The following UBASH3A variants were observed in gnomAD, a reference collection of about 807,000 sequenced individuals.
UBASH3A encodes the protein ubiquitin-associated and SH3 domain-containing protein A.
UBASH3A carries 63 observed loss-of-function variants against 73.5 expected under a neutral mutation model. The ratio of observed to expected loss-of-function variants is 0.86; its 90% CI spans 0.70 to 1.06. The LOEUF is 1.06. UBASH3A is among the 50% of genes least tolerant of loss of function. UBASH3A has a pLI of 0.00. For synonymous variants in UBASH3A, 363 were observed against 351.1 expected, an observed-to-expected ratio of 1.03 and a Z score of -0.38; for missense variants, 860 against 859.0, an observed-to-expected ratio of 1.00 and a Z score of -0.02.
chr21:42,409,419 C>T lies in UBASH3A; in HGVS notation c.168-3C>T. ...GGTGATGCCGGCTTGCTCTCTGTTG[C>T]AGGCTGCATGATCATTGCAATGACC... On this transcript the variant is annotated splice_region_variant and splice_polypyrimidine_tract_variant and intron_variant, in intron 2 of 14. Coordinates refer to ENST00000319294, the MANE Select transcript of UBASH3A (RefSeq NM_018961.4). 1 of 1,566,352 alleles carries T rather than the reference C, an allele frequency of 6.4e-7. No homozygotes were observed. Among genetic ancestry groups the T allele is most frequent in the Non-Finnish European group, 8.6e-7 (1 of 1,157,430 alleles).
chr21:42,426,627 C>G (rs1391008882), intron 7 of UBASH3A, 70 bp from the exon 8 acceptor site: 2 of 1,575,910 alleles, frequency 1.3e-6, no homozygotes, highest in African/African-American at 1.4e-5. Context: ...CATACATGAC[C>G]AGATGCTGGG....
In UBASH3A at chr21:42,444,650, G is replaced by A. The variant is rs375982291; in HGVS notation, c.1848+7G>A. The A allele has an allele frequency of 2.2e-5, 36 of 1,601,816 alleles. No homozygotes were observed. The highest frequency in any genetic ancestry group is 1.6e-4 in the Middle Eastern group (1 of 6,076). The stretch of plus-strand genomic sequence containing the variant: ...TGCCCAACTCGTGAGAAAGGTACGC[G>A]CCCACTCTTGGCTCTTTGGGCCACA... On this transcript the variant is annotated splice_region_variant and intron_variant, in intron 14 of 14. Transcript: ENST00000319294.
chr21:42,406,114 G>A (rs2052969066), intron 1 of UBASH3A, among the ~76,000 whole-genome samples, 194 bp from the exon 2 acceptor site: 1 of 151,956 alleles, frequency 6.6e-6, no homozygotes, highest in South Asian at 2.1e-4. Context: ...GGTGTGAGCT[G>A]GTCAGCATTG....
chr21:42,437,604 T>A, intron 11 of UBASH3A, 24 bp downstream of exon 11: 1 of 1,600,810 alleles, frequency 6.2e-7, no homozygotes, highest in Non-Finnish European at 8.6e-7. Flanking sequence ...TCGGTGAGCC[T>A]CTCCTACTGC....
chr21:42,409,668 A>G (rs2053051670), intron 3 of UBASH3A, 60 bp downstream of exon 3: 1 of 1,493,948 alleles, frequency 6.7e-7, no homozygotes, highest in Non-Finnish European at 9.1e-7. Context: ...TTCTGTGCTA[A>G]CTAGGCCATG....
At position 42,447,226 on chromosome 21, in the gene UBASH3A, T is replaced by A; in HGVS notation, c.*32T>A. On this transcript the variant is annotated 3_prime_UTR_variant, in exon 15 of 15. Coordinates refer to ENST00000319294, the MANE Select transcript of UBASH3A (RefSeq NM_018961.4). Reference sequence around the variant, plus strand: ...CGGTGATGTTGTCATAACCTCAGAGTGGAGAGGCAGAAACCATGTGCAGAG... The same window carrying A: ...CGGTGATGTTGTCATAACCTCAGAGAGGAGAGGCAGAAACCATGTGCAGAG... The A allele has an allele frequency of 4.4e-6, 7 of 1,606,502 alleles. No individual in the cohort carries two copies. The highest frequency in any genetic ancestry group is 5.9e-6 in the Non-Finnish European group (7 of 1,176,870).
At position 42,444,077 on chromosome 21, in the gene UBASH3A, C is replaced by G. The variant is rs559319156; in HGVS notation, c.1739-457C>G. The stretch of plus-strand genomic sequence containing the variant: ...CTGACTTCCCACGCCTTCCCCTGAG[C>G]TGGCAGGGACAAGCGTGTCTCCTGA... On this transcript the variant is annotated intron_variant, in intron 13 of 14. Transcript: ENST00000319294. Among the ~76,000 whole-genome samples, 97 of 152,382 alleles carry G rather than the reference C, an allele frequency of 6.4e-4. 1 individual carries two copies. The highest frequency in any genetic ancestry group is 1.1e-3 in the Non-Finnish European group (78 of 68,038).
Position 42,413,094 on chromosome 21 carries a change from T to A in UBASH3A, c.425T>A (p.Phe142Tyr). 6.2e-7 allele frequency: 1 copy of A among 1,614,202 alleles called. No individual in the cohort carries two copies. The highest frequency in any genetic ancestry group is 8.5e-7 in the Non-Finnish European group (1 of 1,180,022). Reference sequence around the variant, plus strand: ...GCTGGAGACAGGCTCCTGGGCTCCTTCCCCACGGCCGTGCCTCTGGCTCTC... The same window carrying A: ...GCTGGAGACAGGCTCCTGGGCTCCTACCCCACGGCCGTGCCTCTGGCTCTC... ...KRAGDRLLGS[F>Y]PTAVPLALHS... Residue 142 changes from phenylalanine (F) to tyrosine (Y), a missense_variant, in exon 4 of 15, where the codon TTC (phenylalanine) becomes TAC (tyrosine). Transcript: ENST00000319294. The surrounding 1 kb of genome is among the most constrained non-coding windows in gnomAD (Gnocchi z 4.5).
chr21:42,405,716 A>C (rs903957200), intron 1 of UBASH3A, among the ~76,000 whole-genome samples: 5 of 152,148 alleles, frequency 3.3e-5, no homozygotes, highest in African/African-American at 4.8e-5. Flanking sequence ...AATTCAATGC[A>C]ATGTACTTAC....
At position 42,418,430 on chromosome 21, in the gene UBASH3A, C is replaced by G; in HGVS notation, c.867C>G (p.Pro289=). The G allele has an allele frequency of 6.2e-7, 1 of 1,614,230 alleles. No individual in the cohort carries two copies. Among genetic ancestry groups the G allele is most frequent in the Non-Finnish European group, 8.5e-7 (1 of 1,180,034 alleles). ...QTLRALFQYK[P]QNVDELTLSP... ...TGAGAGCCCTATTCCAGTACAAACC[C>G]CAGAACGTGGATGAGCTGACGCTAA... The change falls in exon 7 of 15, where the codon CCC becomes CCG. Residue 289 remains proline (P), a synonymous_variant. Transcript: ENST00000319294.
chr21:42,414,509 T>C (rs2053163459), intron 5 of UBASH3A, among the ~76,000 whole-genome samples: 1 of 151,990 alleles, frequency 6.6e-6, no homozygotes, highest in South Asian at 2.1e-4. Context: ...CCCCTAAAAA[T>C]GTTTGTCCAC....
intron 1 of UBASH3A, among the ~76,000 whole-genome samples, chr21:42,405,954 C>T (rs372436767): frequency 4.7e-5 from 6 of 128,490 alleles, no homozygotes; most frequent in African/African-American, 6.1e-5. Context: ...GGGCACGTTC[C>T]GCAGGGTGGG....
chr21:42,433,196 C>T (rs951904471), intron 9 of UBASH3A, among the ~76,000 whole-genome samples: 1 of 152,214 alleles, frequency 6.6e-6, no homozygotes, highest in Non-Finnish European at 1.5e-5. Flanking sequence ...TGAAAGGAAA[C>T]TCCTGGTGGA....
chr21:42,444,758 G>A, intron 14 of UBASH3A, 115 bp downstream of exon 14: 1 of 834,632 alleles, frequency 1.2e-6, no homozygotes, highest in East Asian at 2.5e-5. Flanking sequence ...AGGGCCACCA[G>A]GATCCACGTG....
chr21:42,410,204 A>G, intron 3 of UBASH3A: 1 of 700,372 alleles, frequency 1.4e-6, no homozygotes, highest in Non-Finnish European at 2.6e-6. Flanking sequence ...CTACAGGGGC[A>G]CCGGGAAGAC....
At chr21:42,434,534 A>T (rs147788059) in intron 9 of UBASH3A, among the ~76,000 whole-genome samples, 140 of 152,364 alleles carry the variant, frequency 9.2e-4, no homozygotes, top group African/African-American at 3.1e-3. Flanking sequence ...CAGGTTCTTC[A>T]TCAGGAAAAT....
chr21:42,419,604 A>T (rs2053293692), intron 7 of UBASH3A, among the ~76,000 whole-genome samples: 1 of 152,152 alleles, frequency 6.6e-6, no homozygotes, highest in Non-Finnish European at 1.5e-5. Flanking sequence ...GTTCATGGTG[A>T]TTTGGGCTTT....
intron 6 of UBASH3A, among the ~76,000 whole-genome samples, chr21:42,416,903 A>C (rs2053223696): frequency 6.6e-6 from 1 of 152,176 alleles, no homozygotes; most frequent in African/African-American, 2.4e-5. Context: ...ACTGCACTCC[A>C]GCCTGGGCTA....
At chr21:42,411,895 C>A (rs1015318465) in intron 3 of UBASH3A, among the ~76,000 whole-genome samples, 2 of 152,156 alleles carry the variant, frequency 1.3e-5, no homozygotes, top group South Asian at 4.1e-4. Context: ...TGTTGAGTGC[C>A]GTTGAGGGTT....
Sources: gnomAD v4.1 joint callset for allele counts (sites outside exome capture counted in the v4.1 genomes callset) on GRCh38, gnomAD v4.1.1 for gene constraint, Gnocchi (gnomAD v3.1) non-coding constraint, MANE v1.5 for transcripts, NCBI Gene and HGNC (gene_info 2026-07-23, HGNC 2026-07-21) for gene names.